CEP295: variants seen among roughly 807,000 people sequenced by gnomAD.
CEP295 encodes centrosomal protein 295, also known as centrosomal protein of 295 kDa.
In CEP295, 190 loss-of-function variants were observed where a neutral mutation model predicts 291.6. The ratio of observed to expected loss-of-function variants is 0.65; its 90% confidence interval spans 0.58 to 0.73. The LOEUF is 0.73. CEP295 is among the 30% of genes least tolerant of loss of function. The probability of loss-of-function intolerance (pLI) is 0.00; values close to 1 mark genes in which losing one functional copy is unlikely to be tolerated. For missense variants in CEP295, 2,863 were observed against 2,949.4 expected, an observed-to-expected ratio of 0.97 and a Z score of 0.68; for synonymous variants, 993 against 1,038.8, an observed-to-expected ratio of 0.96 and a Z score of 0.85.
In CEP295 at chr11:93,702,442, T is replaced by G. The variant is rs769937734; in HGVS notation, c.5275-18T>G. 2.0e-6 allele frequency: 3 copies of G among 1,505,434 alleles called. No individual in the cohort carries two copies. In the East Asian group the frequency reaches 7.4e-5, roughly 37 times the overall value. The allele number at this position is 1,505,434 out of a possible 1,614,324, so 93.3% of individuals were successfully genotyped here. On this transcript the variant is annotated intron_variant, in intron 15 of 29. Transcript: ENST00000325212. ...TCCCCCAACTTGTGCTTCCCCACCCTCATCTCCACTTTTTCAGATAAGTAA... is the reference window on the plus strand; with the variant it reads ...TCCCCCAACTTGTGCTTCCCCACCCGCATCTCCACTTTTTCAGATAAGTAA...
rs117635391 is a variant in CEP295, at chr11:93,710,139, C to T, written c.5749+3242C>T. ...TTTATTTCCTTGTCTTGTGCGATTG[C>T]TCTAGCTAGGACTTCCAGTACCATT... On this transcript the variant is annotated intron_variant, in intron 18 of 29. Coordinates refer to ENST00000325212, the MANE Select transcript of CEP295 (RefSeq NM_033395.2). Among the ~76,000 whole-genome samples, 288 of 152,220 alleles carry T rather than the reference C, an allele frequency of 1.9e-3. 11 individuals are homozygous for T. In the East Asian group the frequency reaches 0.053, roughly 28 times the overall value.
chr11:93,708,045 T>C (rs1952635792), intron 18 of CEP295, among the ~76,000 whole-genome samples: 3 of 152,154 alleles, frequency 2.0e-5, no homozygotes, highest in African/African-American at 7.2e-5. Context: ...AATTTTTAAT[T>C]TTTGTGGCTA....
intron 3 of CEP295, 35 bp downstream of exon 3, chr11:93,667,842 C>T: frequency 7.3e-7 from 1 of 1,366,948 alleles, no homozygotes; most frequent in Non-Finnish European, 9.9e-7. Context: ...CCTGTTGTGG[C>T]AGTAATATTA....
rs918436820 is a variant in CEP295, at chr11:93,724,277, T to G, written c.6220T>G (p.Leu2074Val). The G allele has an allele frequency of 6.5e-7, 1 of 1,550,090 alleles. No homozygotes were observed. The highest frequency in any genetic ancestry group is 8.7e-7 in the Non-Finnish European group (1 of 1,146,480). Residue 2074 changes from leucine to valine, a missense_variant, in exon 22 of 30, where the codon TTG becomes GTG. By Grantham distance (32) the Leu-to-Val change is conservative (BLOSUM62 1). Coordinates refer to ENST00000325212, the MANE Select transcript of CEP295 (RefSeq NM_033395.2). ...AGAATTGGAACACATTTTTCCTAAT[T>G]TGCATCATCAGCTGTTTAAACCCTT... ...LQELEHIFPN[L>V]HHQLFKPLEP...
Position 93,697,987 on chromosome 11 carries a change from C to G in CEP295, c.3075C>G (p.Ser1025Arg), listed in dbSNP as rs910976145. 23 of 1,551,486 alleles carry G rather than the reference C, an allele frequency of 1.5e-5. No homozygotes were observed. The African/African-American group carries it at 2.9e-4, about 19-fold the overall frequency. ...TACAGGAGCAACATTCATCTAAGAGCGAGAAAGGACTTGTTTCATGCCAAT... is the reference window on the plus strand; with the variant it reads ...TACAGGAGCAACATTCATCTAAGAGGGAGAAAGGACTTGTTTCATGCCAAT... ...GKIQEQHSSK[S>R]EKGLVSCQSD... Residue 1025 changes from serine (S) to arginine (R), a missense_variant, in exon 15 of 30, where the codon AGC (serine) becomes AGG (arginine). Around this residue, in one of 3 missense-constraint regions of CEP295, gnomAD observed 2,295 missense variants for 2,335.7 expected, o/e 0.98. Coordinates refer to ENST00000325212, the MANE Select transcript of CEP295 (RefSeq NM_033395.2).
At chr11:93,717,995 T>C (rs1375439275) in intron 18 of CEP295, among the ~76,000 whole-genome samples, 3 of 152,200 alleles carry the variant, frequency 2.0e-5, no homozygotes, top group Non-Finnish European at 2.9e-5. Flanking sequence ...CATTGCTGCC[T>C]TGACCTCCTA....
Position 93,727,111 on chromosome 11 carries a change from C to T in CEP295, c.6635C>T (p.Ser2212Phe). Residue 2212 changes from serine to phenylalanine, a missense_variant, in exon 24 of 30, where the codon TCT (serine) becomes TTT (phenylalanine). By Grantham distance (155) the Ser-to-Phe change is radical. Coordinates refer to ENST00000325212, the MANE Select transcript of CEP295 (RefSeq NM_033395.2). ...GGCATGAAAAATCAGAACTATCCCT[C>T]TGAAGAACATACTGAAATATTACAA... ...SQGMKNQNYP[S>F]EEHTEILQNK... is the part of the protein sequence containing the mutation. The T allele has an allele frequency of 6.4e-7, 1 of 1,551,546 alleles. No homozygotes were observed. Among genetic ancestry groups the T allele is most frequent in the East Asian group, 2.4e-5 (1 of 40,892 alleles).
At chr11:93,715,246 C>G (rs1953163802) in intron 18 of CEP295, among the ~76,000 whole-genome samples, 1 of 152,142 alleles carries the variant, frequency 6.6e-6, no homozygotes, top group South Asian at 2.1e-4. Flanking sequence ...GCAAAGGACT[C>G]TCTCCCCTTG....
chr11:93,697,621 C>T lies in CEP295; in HGVS notation c.2709C>T (p.Ala903=), dbSNP rs1406258212. 1.3e-6 allele frequency: 2 copies of T among 1,551,802 alleles called. No homozygotes were observed. The highest frequency in any genetic ancestry group is 1.7e-6 in the Non-Finnish European group (2 of 1,147,008). The change falls in exon 15 of 30, where the codon GCC becomes GCT. Residue 903 remains alanine, a synonymous_variant. Coordinates refer to ENST00000325212, the MANE Select transcript of CEP295 (RefSeq NM_033395.2). ...TPDSSALLPS[A]KADLGRIQES... is the part of the protein sequence containing the mutation. ...ATTCATCTGCTTTATTGCCTTCTGCCAAAGCAGATTTGGGGAGAATCCAGG... is the reference window on the plus strand; with the variant it reads ...ATTCATCTGCTTTATTGCCTTCTGCTAAAGCAGATTTGGGGAGAATCCAGG...
At chr11:93,704,100 T>G (rs188530492) in intron 17 of CEP295, among the ~76,000 whole-genome samples, 3 of 152,132 alleles carry the variant, frequency 2.0e-5, no homozygotes, top group Non-Finnish European at 4.4e-5. Flanking sequence ...AATAGTCTTA[T>G]GTGAATTTCA....
Position 93,665,639 on chromosome 11 carries a change from C to T in CEP295, c.-26-1043C>T, listed in dbSNP as rs141538646. Among the ~76,000 whole-genome samples the T allele has an allele frequency of 1.5e-3, 228 of 152,272 alleles. 1 individual carries two copies. Among genetic ancestry groups the T allele is most frequent in the African/African-American group, 5.1e-3 (212 of 41,536 alleles). On this transcript the variant is annotated intron_variant, in intron 1 of 29. Coordinates refer to ENST00000325212, the MANE Select transcript of CEP295 (RefSeq NM_033395.2). ...AGGAGAATCACTTGAACTCAGGAGA[C>T]GGAGGTTGTGGTAAGCCAAGATTGT...
chr11:93,685,908 A>C (rs1014386340), intron 9 of CEP295, among the ~76,000 whole-genome samples: 3 of 151,942 alleles, frequency 2.0e-5, no homozygotes, highest in African/African-American at 7.2e-5. Flanking sequence ...ACGGGGTTTC[A>C]CTATGTTGGC....
chr11:93,664,004 T>C (rs1391079818), intron 1 of CEP295, among the ~76,000 whole-genome samples: 1 of 152,176 alleles, frequency 6.6e-6, no homozygotes, highest in East Asian at 1.9e-4. Flanking sequence ...AAGGTAACTT[T>C]ATTTTTACCT....
At chr11:93,712,445 G>T (rs1415508246) in intron 18 of CEP295, among the ~76,000 whole-genome samples, 2 of 151,572 alleles carry the variant, frequency 1.3e-5, no homozygotes, top group Non-Finnish European at 2.9e-5. Flanking sequence ...GTAGAGACGG[G>T]GTTTCGCCAT....
rs749718914 is a variant in CEP295 at position 93,695,612 on chromosome 11, GA to G, written c.1657del (p.Thr553LeufsTer15). On this transcript the variant is annotated frameshift_variant, in exon 13 of 30. Transcript: ENST00000325212. LOFTEE classifies it high-confidence loss of function. ...CFRAQLEEEKRKKTQPTGVGI... is the reference protein window; with the variant it reads ...CFRAQLEEEKXKKTQPTGVGI... ...AGGGCTCAGCTGGAAGAAGAAAAAAGAAAAAAAACTCAACCGACTGGGGTAG... is the reference window on the plus strand; with the variant it reads ...AGGGCTCAGCTGGAAGAAGAAAAAAGAAAAAAACTCAACCGACTGGGGTAG... The G allele has an allele frequency of 1.2e-5, 18 of 1,440,832 alleles. No homozygotes were observed. Among genetic ancestry groups the G allele is most frequent in the South Asian group, 4.1e-5 (3 of 73,538 alleles). 89.3% of individuals were successfully genotyped at this position (1,440,832 alleles called of 1,614,324 possible). A position where few individuals can be genotyped will look rare whatever the true frequency, so the allele number is the denominator to read the frequency against.
At chr11:93,724,927 C>T (rs796466584) in intron 22 of CEP295, among the ~76,000 whole-genome samples, 15 of 152,192 alleles carry the variant, frequency 9.9e-5, no homozygotes, top group African/African-American at 3.6e-4. Flanking sequence ...TTTTAAGCTC[C>T]CCAAGTGATT....
chr11:93,715,044 G>A (rs527341675), intron 18 of CEP295, among the ~76,000 whole-genome samples: 17 of 152,340 alleles, frequency 1.1e-4, no homozygotes, highest in African/African-American at 3.4e-4. Context: ...ACAGTCAGCA[G>A]GTGGTGAAGC....
rs540230917 is a variant in CEP295, at chr11:93,698,934, C to T, written c.4022C>T (p.Ser1341Leu). Residue 1341 changes from serine to leucine, a missense_variant, in exon 15 of 30, where the codon TCG (serine) becomes TTG (leucine). By Grantham distance (145) the Ser-to-Leu change is moderately radical. Transcript: ENST00000325212. ...PQLQDRLLRI[S>L]QLIQPQQDNL... The stretch of plus-strand genomic sequence containing the variant: ...TTGCAGGATAGGCTTTTGAGGATAT[C>T]GCAACTTATCCAGCCTCAACAAGAT... 3.0e-4 allele frequency: 464 copies of T among 1,551,324 alleles called. No homozygotes were observed. The highest frequency in any genetic ancestry group is 3.7e-4 in the Non-Finnish European group (427 of 1,146,964).
At chr11:93,675,904 C>CT (rs1037125573) in intron 6 of CEP295, among the ~76,000 whole-genome samples, 8 of 151,874 alleles carry the variant, frequency 5.3e-5, no homozygotes, top group Non-Finnish European at 7.4e-5. Flanking sequence ...GATTTTAAAG[C>CT]TTTTTTTATC....
Sources: gnomAD v4.1 joint callset for allele counts (sites outside exome capture counted in the v4.1 genomes callset) on GRCh38, gnomAD v4.1.1 for gene constraint, gnomAD v4.1.1 regional missense constraint, MANE v1.5 for transcripts, NCBI Gene and HGNC (gene_info 2026-07-23, HGNC 2026-07-21) for gene names.